Variants in FHOD3 observed in about 807,000 individuals in gnomAD.
The protein encoded by FHOD3 is FH1/FH2 domain-containing protein 3.
A neutral mutation model predicts 173.0 loss-of-function variants in FHOD3; 90 were observed. The ratio of observed to expected loss-of-function variants is 0.52; its 90% CI spans 0.44 to 0.62. FHOD3 has a LOEUF of 0.62. FHOD3 is among the 20% of genes least tolerant of loss of function. FHOD3 has a pLI of 0.00. For missense variants in FHOD3, 1,945 were observed against 2,034.7 expected (o/e 0.96, Z 0.85); for synonymous variants, 828 against 823.0 (o/e 1.01, Z -0.10).
At chr18:36,363,677 CAG>C (rs138056682) in intron 2 of FHOD3, among the ~76,000 whole-genome samples, 1,575 of 152,156 alleles carry the variant, frequency 0.01, 21 homozygotes, top group African/African-American at 0.036. Context: ...AGGTGGAGCA[CAG>C]GGGATCTTTA....
chr18:36,392,348 G>A (rs148142157), intron 3 of FHOD3, among the ~76,000 whole-genome samples: 1 of 152,336 alleles, frequency 6.6e-6, no homozygotes, highest in East Asian at 1.9e-4. Context: ...CCAGCAGAGT[G>A]TGGGATTATA....
At chr18:36,442,552 T>C (rs2051215238) in intron 3 of FHOD3, among the ~76,000 whole-genome samples, 1 of 152,208 alleles carries the variant, frequency 6.6e-6, no homozygotes, top group Non-Finnish European at 1.5e-5. Flanking sequence ...GCAATGAGGA[T>C]TTAGTGGAAT....
chr18:36,577,123 A>G (rs1485637339), intron 6 of FHOD3, among the ~76,000 whole-genome samples: 1 of 152,082 alleles, frequency 6.6e-6, no homozygotes, highest in Non-Finnish European at 1.5e-5. Context: ...CCATAGATGT[A>G]AGATCTGTGA....
chr18:36,763,413 T>C (rs1333580124), intron 27 of FHOD3, among the ~76,000 whole-genome samples: 1 of 139,190 alleles, frequency 7.2e-6, no homozygotes, highest in Non-Finnish European at 1.5e-5. Context: ...TTATACACGT[T>C]ATATATAATA....
At chr18:36,358,282 T>C (rs925379781) in intron 2 of FHOD3, among the ~76,000 whole-genome samples, 5 of 152,344 alleles carry the variant, frequency 3.3e-5, no homozygotes, top group Admixed American at 3.3e-4. Flanking sequence ...GCAAGGACAA[T>C]TGGTCCTGGT....
intron 7 of FHOD3, among the ~76,000 whole-genome samples, chr18:36,600,326 C>G (rs1322509155): frequency 6.6e-6 from 1 of 150,802 alleles, no homozygotes; most frequent in Admixed American, 6.6e-5. Flanking sequence ...GGGGAGTTAA[C>G]AAAGGCAATG....
At chr18:36,322,697 T>G (rs1201102677) in intron 1 of FHOD3, among the ~76,000 whole-genome samples, 1 of 152,182 alleles carries the variant, frequency 6.6e-6, no homozygotes, top group African/African-American at 2.4e-5. Context: ...AGTGACCTGG[T>G]GGTGTCCTTT....
chr18:36,571,695 C>T (rs933639483), intron 5 of FHOD3, among the ~76,000 whole-genome samples: 7 of 152,098 alleles, frequency 4.6e-5, no homozygotes, highest in Admixed American at 2.6e-4. Context: ...AGAAACAGAC[C>T]CGTACAAACA....
intron 3 of FHOD3, among the ~76,000 whole-genome samples, chr18:36,447,744 A>G (rs2051580646): frequency 6.6e-6 from 1 of 152,266 alleles, no homozygotes; most frequent in Non-Finnish European, 1.5e-5. Flanking sequence ...GCAACAGGTT[A>G]AGTTTAAGTA....
At chr18:36,770,094 G>A (rs1472615810) in intron 28 of FHOD3, among the ~76,000 whole-genome samples, 2 of 152,202 alleles carry the variant, frequency 1.3e-5, no homozygotes, top group African/African-American at 4.8e-5. Flanking sequence ...CTCAGGGACA[G>A]TGCTCCATAG....
At chr18:36,700,554 C>A (rs1210206398) in intron 17 of FHOD3, among the ~76,000 whole-genome samples, 1 of 152,208 alleles carries the variant, frequency 6.6e-6, no homozygotes, top group African/African-American at 2.4e-5. Context: ...AGCCCTCTTT[C>A]TTTTCTCTTC....
chr18:36,521,989 A>C (rs2056300676), intron 5 of FHOD3, among the ~76,000 whole-genome samples: 1 of 152,136 alleles, frequency 6.6e-6, no homozygotes, highest in South Asian at 2.1e-4. Context: ...CTTAGATTGG[A>C]GTTCAGATAT....
At position 36,397,520 on chromosome 18, in the gene FHOD3, A is replaced by G. The variant is rs570456538; in HGVS notation, c.337+24776A>G. On this transcript the variant is annotated intron_variant, in intron 3 of 28. Coordinates refer to ENST00000590592, the MANE Select transcript of FHOD3 (RefSeq NM_001281740.3). ...ATTTTGAGATTCACACACATTTGTA[A>G]CAAGTAGTATAGAGACCCCATATGC... Among the ~76,000 whole-genome samples the G allele has an allele frequency of 3.3e-5, 5 of 152,306 alleles. No individual in the cohort carries two copies. The South Asian group carries it at 8.3e-4, about 25-fold the overall frequency.
Position 36,419,809 on chromosome 18 carries a change from G to A in FHOD3, c.337+47065G>A, listed in dbSNP as rs1298511394. Among the ~76,000 whole-genome samples, 8 of 152,318 alleles carry A rather than the reference G, an allele frequency of 5.3e-5. No individual in the cohort carries two copies. The East Asian group carries it at 1.4e-3, about 26-fold the overall frequency. ...AGGGAGGAACACAGCTGAAGGGAAG[G>A]AAGTGCGCTCTCTTTTATCCTTCTT... is the stretch of plus-strand genomic sequence containing the variant. On this transcript the variant is annotated intron_variant, in intron 3 of 28. Transcript: ENST00000590592.
chr18:36,562,193 T>C (rs1280288641), intron 5 of FHOD3, among the ~76,000 whole-genome samples: 1 of 152,100 alleles, frequency 6.6e-6, no homozygotes, highest in Non-Finnish European at 1.5e-5. Flanking sequence ...ATTTTTGTAC[T>C]GTTGGTAGAG....
At chr18:36,366,872 G>A (rs2046924151) in intron 2 of FHOD3, among the ~76,000 whole-genome samples, 1 of 152,188 alleles carries the variant, frequency 6.6e-6, no homozygotes, top group South Asian at 2.1e-4. Context: ...TGAAACATCT[G>A]TTTCTATCCT....
At chr18:36,433,938 C>T (rs367610681) in intron 3 of FHOD3, among the ~76,000 whole-genome samples, 6 of 152,186 alleles carry the variant, frequency 3.9e-5, no homozygotes, top group Non-Finnish European at 8.8e-5. Flanking sequence ...CTACCACAAT[C>T]GAGGTTTAGA....
rs185661066 is a variant in FHOD3, at chr18:36,434,281, A to G, written c.337+61537A>G. ...TGGATGAGGTAAGATATGGATGTCT[A>G]TTAATAGTCGTTCAAACACCATTTG... On this transcript the variant is annotated intron_variant, in intron 3 of 28. Coordinates refer to ENST00000590592, the MANE Select transcript of FHOD3 (RefSeq NM_001281740.3). Among the ~76,000 whole-genome samples, 76 of 152,354 alleles carry G rather than the reference A, an allele frequency of 5.0e-4. 3 individuals are homozygous for G. Among genetic ancestry groups the G allele is most frequent in the Admixed American group, 5.0e-3 (76 of 15,302 alleles).
Position 36,596,177 on chromosome 18 carries a change from C to T in FHOD3, c.718+1279C>T, listed in dbSNP as rs547343515. Among the ~76,000 whole-genome samples, 49 of 151,912 alleles carry T rather than the reference C, an allele frequency of 3.2e-4. 1 individual carries two copies. In the South Asian group the frequency reaches 9.2e-3, roughly 28 times the overall value. ...TGTTTTTTGTCTTTTGTTTTTGAGACGGAGTCTTGCTCCGTCGCCCAGGCT... is the reference window on the plus strand; with the variant it reads ...TGTTTTTTGTCTTTTGTTTTTGAGATGGAGTCTTGCTCCGTCGCCCAGGCT... On this transcript the variant is annotated intron_variant, in intron 7 of 28. Transcript: ENST00000590592.
Sources: gnomAD v4.1 joint callset for allele counts (sites outside exome capture counted in the v4.1 genomes callset) on GRCh38, gnomAD v4.1.1 for gene constraint, MANE v1.5 for transcripts, NCBI Gene and HGNC (gene_info 2026-07-23, HGNC 2026-07-21) for gene names.